The following MKLN1 variants were observed in gnomAD, a reference collection of about 807,000 sequenced individuals.
MKLN1 encodes the protein muskelin.
A neutral mutation model predicts 99.0 loss-of-function variants in MKLN1; 18 were observed. The observed-to-expected ratio is 0.18, with a 90% CI of 0.13 to 0.27. The LOEUF is 0.27. Ranked by LOEUF, MKLN1 falls within the 10% of genes least tolerant of loss-of-function variation. MKLN1 has a pLI of 1.00. For synonymous variants in MKLN1, 288 were observed against 293.2 expected (o/e 0.98, Z 0.18); for missense variants, 621 against 875.9 (o/e 0.71, Z 3.67).
At chr7:131,350,193 ATTAG>A (rs926525157) in intron 1 of MKLN1, among the ~76,000 whole-genome samples, 1 of 148,042 alleles carries the variant, frequency 6.8e-6, no homozygotes, top group African/African-American at 2.5e-5. Flanking sequence ...AGGACATTTT[ATTAG>A]TTATTTTTTA....
chr7:131,386,626 G>A (rs1191005747), intron 2 of MKLN1, among the ~76,000 whole-genome samples: 1 of 152,162 alleles, frequency 6.6e-6, no homozygotes, highest in African/African-American at 2.4e-5. Flanking sequence ...TACATTAGAC[G>A]TATCTAGAGT....
intron 6 of MKLN1, among the ~76,000 whole-genome samples, chr7:131,406,931 A>G (rs148295037): frequency 6.6e-6 from 1 of 152,156 alleles, no homozygotes; most frequent in Non-Finnish European, 1.5e-5. Flanking sequence ...TTGTAGTTAC[A>G]TTAACAAGGC....
At chr7:131,306,855 G>A (rs1173125111) in intron 3 of MKLN1, among the ~76,000 whole-genome samples, 1 of 152,214 alleles carries the variant, frequency 6.6e-6, no homozygotes, top group Non-Finnish European at 1.5e-5. Context: ...GGTAAGTAAA[G>A]AAGAACCAAA....
intron 3 of MKLN1, among the ~76,000 whole-genome samples, chr7:131,239,687 T>C (rs1797373228): frequency 6.6e-6 from 1 of 152,174 alleles, no homozygotes. Context: ...CCATCCCATG[T>C]TTACATTAAA....
chr7:131,458,740 T>C (rs891937129), intron 12 of MKLN1, among the ~76,000 whole-genome samples: 1 of 152,090 alleles, frequency 6.6e-6, no homozygotes, highest in Non-Finnish European at 1.5e-5. Flanking sequence ...GTCATATGTA[T>C]GAACTTTAAA....
intron 6 of MKLN1, among the ~76,000 whole-genome samples, chr7:131,399,959 G>C (rs571510482): frequency 6.6e-6 from 1 of 152,044 alleles, no homozygotes; most frequent in East Asian, 1.9e-4. Flanking sequence ...ATCTCCCAGG[G>C]TATTGGCTTT....
intron 1 of MKLN1, among the ~76,000 whole-genome samples, chr7:131,334,944 G>C (rs1382723092): frequency 1.3e-5 from 2 of 152,126 alleles, no homozygotes; most frequent in African/African-American, 4.8e-5. Flanking sequence ...AGAGACAATA[G>C]AAAATTTATA....
At chr7:131,447,078 T>C (rs1796038429) in intron 12 of MKLN1, among the ~76,000 whole-genome samples, 1 of 152,248 alleles carries the variant, frequency 6.6e-6, no homozygotes, top group South Asian at 2.1e-4. Context: ...GTAAATTTCT[T>C]GGCTTTACAG....
chr7:131,466,821 C>T (rs1251514068), intron 15 of MKLN1, among the ~76,000 whole-genome samples: 1 of 152,102 alleles, frequency 6.6e-6, no homozygotes. Flanking sequence ...TGTCACAATA[C>T]AATTTCAAAG....
intron 4 of MKLN1, among the ~76,000 whole-genome samples, chr7:131,391,759 T>C (rs1794202859): frequency 6.6e-6 from 1 of 152,238 alleles, no homozygotes. Flanking sequence ...TGAATTCTGT[T>C]CCAGTTTGTG....
Position 131,286,110 on chromosome 7 carries a change from C to T in MKLN1, c.-179+83136C>T, listed in dbSNP as rs561611430. On this transcript the variant is annotated intron_variant, in intron 3 of 7. Coordinates refer to the MKLN1 transcript ENST00000416992. ...GGATTACAGGCATGCGTTATCACGC[C>T]GGACTAATTTTGTATTTTTAGTAGA... Among the ~76,000 whole-genome samples, 12 of 152,196 alleles carry T rather than the reference C, an allele frequency of 7.9e-5. No homozygotes were observed. The East Asian group carries it at 2.1e-3, about 27-fold the overall frequency.
intron 3 of MKLN1, 94 bp downstream of exon 3, chr7:131,387,356 A>G: frequency 8.4e-7 from 1 of 1,190,504 alleles, no homozygotes; most frequent in Non-Finnish European, 1.2e-6. Flanking sequence ...TTTTTCTTTC[A>G]AAGGAGAAAA....
chr7:131,161,318 G>A (rs1035580865), intron 2 of MKLN1, among the ~76,000 whole-genome samples: 3 of 152,146 alleles, frequency 2.0e-5, no homozygotes, highest in East Asian at 1.9e-4. Flanking sequence ...TGCACTCTCC[G>A]GTATGGTAGC....
intron 3 of MKLN1, among the ~76,000 whole-genome samples, chr7:131,308,267 T>TC (rs1269469125): frequency 6.6e-6 from 1 of 151,466 alleles, no homozygotes; most frequent in East Asian, 1.9e-4. Flanking sequence ...CGTAGTTTTT[T>TC]TTTTTTTTTT....
intron 3 of MKLN1, among the ~76,000 whole-genome samples, chr7:131,314,279 A>G (rs2116646041): frequency 6.6e-6 from 1 of 152,304 alleles, no homozygotes; most frequent in Non-Finnish European, 1.5e-5. Context: ...TTCACACTCC[A>G]CAGGAAGACA....
chr7:131,168,803 G>T (rs1244317729), intron 2 of MKLN1, among the ~76,000 whole-genome samples: 1 of 151,728 alleles, frequency 6.6e-6, no homozygotes, highest in Non-Finnish European at 1.5e-5. Flanking sequence ...GCTTAGAAAG[G>T]TTAAATAATT....
intron 3 of MKLN1, among the ~76,000 whole-genome samples, chr7:131,249,715 G>C (rs1797548068): frequency 6.6e-6 from 1 of 152,222 alleles, no homozygotes; most frequent in Non-Finnish European, 1.5e-5. Context: ...CCTCCAGGTA[G>C]AGTGGCAGCA....
At chr7:131,163,750 C>T (rs1796086117) in intron 2 of MKLN1, among the ~76,000 whole-genome samples, 1 of 152,148 alleles carries the variant, frequency 6.6e-6, no homozygotes, top group Admixed American at 6.5e-5. Flanking sequence ...TTCCTAAGGG[C>T]ATCAGTGTTC....
At chr7:131,133,746 C>G (rs1438457788) in intron 1 of MKLN1, among the ~76,000 whole-genome samples, 1 of 148,544 alleles carries the variant, frequency 6.7e-6, no homozygotes, top group Non-Finnish European at 1.5e-5. Context: ...CTCAGCCTTC[C>G]AAACTGCTGG....
Sources: allele counts gnomAD v4.1 joint callset (sites outside exome capture counted in the v4.1 genomes callset), GRCh38; gene constraint gnomAD v4.1.1; transcripts MANE v1.5; gene names NCBI Gene and HGNC (gene_info 2026-07-23, HGNC 2026-07-21).